The following ZNF805 variants were observed in gnomAD, a reference collection of about 807,000 sequenced individuals.
ZNF805 encodes the protein CTC-444N24.8.
Under a neutral mutation model 13.6 loss-of-function variants are expected in ZNF805, and 7 were observed. The observed-to-expected ratio is 0.51, with a 90% CI of 0.29 to 0.97. The LOEUF is 0.97. ZNF805 is among the 50% of genes least tolerant of loss of function. The pLI is 0.08. For synonymous variants in ZNF805, 293 were observed against 279.8 expected (o/e 1.05, Z -0.47); for missense variants, 604 against 771.0 (o/e 0.78, Z 2.57).
intron 3 of ZNF805, among the ~76,000 whole-genome samples, chr19:57,250,232 T>C (rs763871295): frequency 6.6e-6 from 1 of 152,128 alleles, no homozygotes; most frequent in Non-Finnish European, 1.5e-5. Context: ...GACCTATCCT[T>C]CTGCTTTTTT....
chr19:57,250,293 C>T (rs1018210064), intron 3 of ZNF805, among the ~76,000 whole-genome samples: 2 of 152,146 alleles, frequency 1.3e-5, no homozygotes, highest in Non-Finnish European at 2.9e-5. Context: ...AGTGCAATGG[C>T]GCGATCTCGG....
chr19:57,246,787 A>G (rs1354187870), intron 2 of ZNF805, among the ~76,000 whole-genome samples: 5 of 151,290 alleles, frequency 3.3e-5, no homozygotes, highest in Admixed American at 6.6e-5. Context: ...AAAAAAAAAA[A>G]AAAAAAGAAA....
chr19:57,250,896 G>A (rs114896820), intron 3 of ZNF805, among the ~76,000 whole-genome samples: 3,095 of 152,176 alleles, frequency 0.02, 96 homozygotes, highest in African/African-American at 0.07. Flanking sequence ...TTTCATGGAC[G>A]TTTTTTCTTC....
In ZNF805 at chr19:57,244,190, C is replaced by T. The variant is rs903658132; in HGVS notation, c.157+141C>T. 5.1e-6 allele frequency: 4 copies of T among 781,094 alleles called. No individual in the cohort carries two copies. In the African/African-American group the frequency reaches 7.5e-5, roughly 15 times the overall value. The allele number at this position is 781,094 out of a possible 1,614,324, so 48.4% of individuals were successfully genotyped here. ...AAATTCAGTCATTTTCTACAACACTCACCTCTTCCTTTTTTTTTTTTTTTT... is the reference window on the plus strand; with the variant it reads ...AAATTCAGTCATTTTCTACAACACTTACCTCTTCCTTTTTTTTTTTTTTTT... On this transcript the variant is annotated intron_variant, in intron 2 of 3. Coordinates refer to ENST00000414468, the MANE Select transcript of ZNF805 (RefSeq NM_001023563.4).
At chr19:57,250,479 G>T (rs879631903) in intron 3 of ZNF805, among the ~76,000 whole-genome samples, 6 of 152,150 alleles carry the variant, frequency 3.9e-5, no homozygotes, top group Admixed American at 1.3e-4. Flanking sequence ...TGATCTGCCC[G>T]CCTCGGCCTC....
chr19:57,256,328 G>C lies in ZNF805; in HGVS notation c.*1625G>C, dbSNP rs1206963688. Among the ~76,000 whole-genome samples the C allele has an allele frequency of 6.6e-6, 1 of 152,090 alleles. No individual in the cohort carries two copies. Among genetic ancestry groups the C allele is most frequent in the Admixed American group, 6.6e-5 (1 of 15,250 alleles). ...TGTTACTGTTTGGTTTTGATGTCTAGATGATAACTAACCTCCTAACATGAA... is the reference window on the plus strand; with the variant it reads ...TGTTACTGTTTGGTTTTGATGTCTACATGATAACTAACCTCCTAACATGAA... On this transcript the variant is annotated 3_prime_UTR_variant, in exon 4 of 4. Transcript: ENST00000414468.
chr19:57,246,301 G>C (rs973395861), intron 2 of ZNF805, among the ~76,000 whole-genome samples: 1 of 152,178 alleles, frequency 6.6e-6, no homozygotes, highest in Non-Finnish European at 1.5e-5. Context: ...AGCCTCCTGA[G>C]TAGCTAGGAT....
chr19:57,258,600 T>G lies in ZNF805; in HGVS notation c.*3897T>G, dbSNP rs1017289484. ...ATTACAGTTAATGGTATGAAAAATT[T>G]AGCACTTTGATGTATAGAAACCTTA... On this transcript the variant is annotated 3_prime_UTR_variant, in exon 4 of 4. Transcript: ENST00000414468. Among the ~76,000 whole-genome samples the G allele has an allele frequency of 2.7e-5, 4 of 148,188 alleles. No individual in the cohort carries two copies. In the East Asian group the frequency reaches 5.8e-4, roughly 22 times the overall value.
Position 57,258,645 on chromosome 19 carries a change from CTGT to C in ZNF805, c.*3944_*3946del, listed in dbSNP as rs2087705148. Among the ~76,000 whole-genome samples the C allele has an allele frequency of 6.6e-6, 1 of 152,002 alleles. No homozygotes were observed. The highest frequency in any genetic ancestry group is 1.5e-5 in the Non-Finnish European group (1 of 68,012). On this transcript the variant is annotated 3_prime_UTR_variant, in exon 4 of 4. Transcript: ENST00000414468. Reference sequence around the variant, plus strand: ...ACCTTACTTGGTCCCTTCACCTTGCCTGTTAATATAATTGTCTAAAGTAATTCC... The same window carrying C: ...ACCTTACTTGGTCCCTTCACCTTGCCTAATATAATTGTCTAAAGTAATTCC...
chr19:57,253,890 C>T lies in ZNF805; in HGVS notation c.1071C>T (p.Tyr357=). The change falls in exon 4 of 4, where the codon TAC becomes TAT. Residue 357 remains tyrosine (Y), a synonymous_variant. Transcript: ENST00000414468. The surrounding 1 kb of genome is among the most constrained non-coding windows in gnomAD (Gnocchi z 4.4). The part of the protein sequence containing the change: ...ECGKVFKHRS[Y]LMWHQQTHTG... ...GCAAGGTCTTCAAACACAGATCATACCTCATGTGGCACCAGCAGACTCATA... is the reference window on the plus strand; with the variant it reads ...GCAAGGTCTTCAAACACAGATCATATCTCATGTGGCACCAGCAGACTCATA... 3.7e-6 allele frequency: 6 copies of T among 1,614,186 alleles called. No homozygotes were observed. The highest frequency in any genetic ancestry group is 3.3e-5 in the South Asian group (3 of 91,076).
chr19:57,250,962 T>G (rs2122838857), intron 3 of ZNF805, among the ~76,000 whole-genome samples: 1 of 152,224 alleles, frequency 6.6e-6, no homozygotes, highest in African/African-American at 2.4e-5. Context: ...CATAAAAATA[T>G]GCTCAACTTC....
At position 57,259,535 on chromosome 19, in the gene ZNF805, T is replaced by C. The variant is rs574136250; in HGVS notation, c.*4832T>C. On this transcript the variant is annotated 3_prime_UTR_variant, in exon 4 of 4. Transcript: ENST00000414468. ...TGTTTTGTTTTTTTGAGACAGACTC[T>C]TTGCTCTGTTGCCCAGGCTGGAGTG... 1.3e-5 allele frequency among the ~76,000 whole-genome samples: 2 copies of C among 152,264 alleles called. No individual in the cohort carries two copies. The highest frequency in any genetic ancestry group is 1.9e-4 in the East Asian group (1 of 5,174).
chr19:57,242,831 T>TG (rs1473658024), intron 1 of ZNF805, among the ~76,000 whole-genome samples: 4 of 152,128 alleles, frequency 2.6e-5, no homozygotes, highest in Non-Finnish European at 5.9e-5. Flanking sequence ...TAGATTCACG[T>TG]GGGTGGTGGA....
At chr19:57,249,412 A>C (rs1010298691) in intron 3 of ZNF805, among the ~76,000 whole-genome samples, 2 of 152,258 alleles carry the variant, frequency 1.3e-5, no homozygotes, top group African/African-American at 4.8e-5. Context: ...ATTTTTATAA[A>C]AAACAAAAAA....
In ZNF805 at chr19:57,262,362, AAGTCAG is replaced by A. The variant is rs2087729946; in HGVS notation, c.*7665_*7670del. The A allele has an allele frequency of 6.0e-6, 1 of 166,790 alleles. No individual in the cohort carries two copies. Among genetic ancestry groups the A allele is most frequent in the Non-Finnish European group, 1.5e-5 (1 of 68,048 alleles). The allele number at this position is 166,790 out of a possible 1,614,324, so 10.3% of individuals were successfully genotyped here. On this transcript the variant is annotated 3_prime_UTR_variant, in exon 4 of 4. Coordinates refer to ENST00000414468, the MANE Select transcript of ZNF805 (RefSeq NM_001023563.4). ...CCATTGTAACCAAGAAAAAAAAAAA[AAGTCAG>A]AGTCACAGTGAAAATACTTAACAAA...
At position 57,254,192 on chromosome 19, in the gene ZNF805, AAG is replaced by A; in HGVS notation, c.1376_1377del (p.Glu459ValfsTer6). 6.2e-7 allele frequency: 1 copy of A among 1,612,302 alleles called. No homozygotes were observed. The highest frequency in any genetic ancestry group is 8.5e-7 in the Non-Finnish European group (1 of 1,179,672). ...ACTGGAGAAAAACCTTTCGAGTGCAAAGAGTGTGGGAAAGCCTTTAGCAATAG... is the reference window on the plus strand; with the variant it reads ...ACTGGAGAAAAACCTTTCGAGTGCAAAGTGTGGGAAAGCCTTTAGCAATAG... On this transcript the variant is annotated frameshift_variant, in exon 4 of 4. Transcript: ENST00000414468. LOFTEE classifies it low-confidence loss of function (END_TRUNC).
At chr19:57,249,784 C>T (rs952715774) in intron 3 of ZNF805, among the ~76,000 whole-genome samples, 1 of 151,100 alleles carries the variant, frequency 6.6e-6, no homozygotes, top group African/African-American at 2.4e-5. Context: ...ATTTGACCTT[C>T]TGTGTCCCAC....
At chr19:57,248,873 C>T (rs1037521453) in intron 3 of ZNF805, among the ~76,000 whole-genome samples, 173 bp downstream of exon 3, 3 of 152,170 alleles carry the variant, frequency 2.0e-5, no homozygotes, top group South Asian at 2.1e-4. Flanking sequence ...TCGCACTTGT[C>T]GCCACTCCTG....
At position 57,256,315 on chromosome 19, in the gene ZNF805, GT is replaced by G. The variant is rs1480374151; in HGVS notation, c.*1616del. ...TTCTTTCTTCAACTGTTACTGTTTGGTTTTGATGTCTAGATGATAACTAACC... is the reference window on the plus strand; with the variant it reads ...TTCTTTCTTCAACTGTTACTGTTTGGTTTGATGTCTAGATGATAACTAACC... On this transcript the variant is annotated 3_prime_UTR_variant, in exon 4 of 4. Transcript: ENST00000414468. Among the ~76,000 whole-genome samples, 1 of 152,060 alleles carries G rather than the reference GT, an allele frequency of 6.6e-6. No homozygotes were observed. Among genetic ancestry groups the G allele is most frequent in the Non-Finnish European group, 1.5e-5 (1 of 67,956 alleles).
Sources: gnomAD v4.1 joint callset for allele counts (sites outside exome capture counted in the v4.1 genomes callset) on GRCh38, gnomAD v4.1.1 for gene constraint, Gnocchi (gnomAD v3.1) non-coding constraint, MANE v1.5 for transcripts, NCBI Gene and HGNC (gene_info 2026-07-23, HGNC 2026-07-21) for gene names.